TENM3: variants seen among roughly 807,000 people sequenced by gnomAD.
The protein encoded by TENM3 is teneurin-3.
In TENM3, 63 loss-of-function variants were observed where a neutral mutation model predicts 255.1. That is an observed-to-expected ratio of 0.25 (90% CI 0.20 to 0.30). The LOEUF (loss-of-function observed/expected upper bound fraction) is 0.30, where lower values mean the gene tolerates loss of function less well. Ranked by LOEUF, TENM3 falls within the 10% of genes least tolerant of loss-of-function variation. TENM3 has a pLI of 1.00. For missense variants in TENM3, 2,929 were observed against 3,461.1 expected (o/e 0.85, Z 3.86); for synonymous variants, 1,306 against 1,322.3 (o/e 0.99, Z 0.27).
the TENM3 span, among the ~76,000 whole-genome samples, chr4:181,961,229 G>C: frequency 6.6e-6 from 1 of 152,146 alleles, no homozygotes; most frequent in Non-Finnish European, 1.5e-5. Flanking sequence ...AAGGAGAAAA[G>C]GTCAAGCACC....
chr4:181,641,114 A>G, the TENM3 span, among the ~76,000 whole-genome samples: 1 of 152,146 alleles, frequency 6.6e-6, no homozygotes, highest in Non-Finnish European at 1.5e-5. Flanking sequence ...AATACATATA[A>G]AAGATTATCT....
intron 1 of TENM3, among the ~76,000 whole-genome samples, chr4:182,186,999 T>C (rs1165303987): frequency 6.6e-6 from 1 of 150,974 alleles, no homozygotes; most frequent in African/African-American, 2.4e-5. Flanking sequence ...GAAGTGATTG[T>C]AGTGTAAAAA....
At chr4:181,756,007 A>T in the TENM3 span, among the ~76,000 whole-genome samples, 2 of 152,164 alleles carry the variant, frequency 1.3e-5, no homozygotes, top group African/African-American at 4.8e-5. Context: ...ATATGTGACG[A>T]TGACGTGCCA....
chr4:182,267,852 ATAT>A (rs1388554238), intron 1 of TENM3, among the ~76,000 whole-genome samples: 2 of 152,204 alleles, frequency 1.3e-5, no homozygotes, highest in Non-Finnish European at 2.9e-5. Flanking sequence ...AGAAAGAGAA[ATAT>A]TATGTTTCAA....
intron 1 of TENM3, among the ~76,000 whole-genome samples, chr4:182,237,943 T>A (rs1756994996): frequency 6.6e-6 from 1 of 152,234 alleles, no homozygotes. Context: ...GTCCAGCCTA[T>A]GATATTTAGG....
chr4:181,450,725 T>C, the TENM3 span, among the ~76,000 whole-genome samples: 20,068 of 152,236 alleles, frequency 0.13, 1,504 homozygotes, highest in East Asian at 0.27. Flanking sequence ...CTGCACCTCT[T>C]GAATCTTCAT....
chr4:182,145,354 T>C (rs1288834473), intron 1 of TENM3: 1 of 152,154 alleles, frequency 6.6e-6, no homozygotes, highest in Non-Finnish European at 1.5e-5. Flanking sequence ...AAACTCTGGA[T>C]GGGGTTGGAA....
chr4:181,773,480 G>A, the TENM3 span, among the ~76,000 whole-genome samples: 1 of 152,158 alleles, frequency 6.6e-6, no homozygotes. Flanking sequence ...AAGACTATCT[G>A]CTCCAAACTT....
the TENM3 span, among the ~76,000 whole-genome samples, chr4:181,662,665 A>G: frequency 6.6e-6 from 1 of 152,182 alleles, no homozygotes; most frequent in East Asian, 1.9e-4. Flanking sequence ...AAAACAATTG[A>G]ACCATATGTG....
the TENM3 span, among the ~76,000 whole-genome samples, chr4:181,929,301 A>T: frequency 6.6e-6 from 1 of 152,086 alleles, no homozygotes; most frequent in Non-Finnish European, 1.5e-5. Context: ...GTAAAGACAC[A>T]CATAAGCTCA....
At chr4:181,792,507 T>C in the TENM3 span, among the ~76,000 whole-genome samples, 2 of 152,204 alleles carry the variant, frequency 1.3e-5, no homozygotes, top group East Asian at 3.9e-4. Flanking sequence ...TCAACATAGA[T>C]TGATAGGGAA....
Position 182,436,336 on chromosome 4 carries a change from G to A in TENM3, c.511+89407G>A, listed in dbSNP as rs550031622. Among the ~76,000 whole-genome samples the A allele has an allele frequency of 7.9e-5, 12 of 152,298 alleles. No homozygotes were observed. In the South Asian group the frequency reaches 1.0e-3, roughly 13 times the overall value. On this transcript the variant is annotated intron_variant, in intron 3 of 27. Coordinates refer to ENST00000511685, the MANE Select transcript of TENM3 (RefSeq NM_001080477.4). ...TCATGGAAGGGGCAGGATTCACAAC[G>A]ACTGCAGCTTTGTCTGTCTTCGGGG... is the stretch of plus-strand genomic sequence containing the variant.
At position 182,376,161 on chromosome 4, in the gene TENM3, G is replaced by A. The variant is rs80096581; in HGVS notation, c.511+29232G>A. Among the ~76,000 whole-genome samples the A allele has an allele frequency of 1.6e-3, 241 of 152,214 alleles. 1 individual carries two copies. Among genetic ancestry groups the A allele is most frequent in the Non-Finnish European group, 3.0e-3 (203 of 68,014 alleles). On this transcript the variant is annotated intron_variant, in intron 3 of 27. Coordinates refer to ENST00000511685, the MANE Select transcript of TENM3 (RefSeq NM_001080477.4). ...TAAGAATTGCTTCAGCAACATTTGC[G>A]CTGTCATTTGGCACGCTTTTGGAAT...
At chr4:182,140,398 GTACCTGAGATTTGGC>G (rs1286771723), upstream of TENM3, among the ~76,000 whole-genome samples, 1 of 152,232 alleles carries the variant, frequency 6.6e-6, no homozygotes, top group East Asian at 1.9e-4. Context: ...GAAGGTCTCG[GTACCTGAGATTTGGC>G]TCCCCTGGTC....
chr4:182,228,392 G>GTGTGTGTA lies in TENM3; in HGVS notation c.-76+83639_-76+83640insGTGTGTAT, dbSNP rs139457090. ...TGTGTGTGTGTGTGTGTGTGTGTGT[G>GTGTGTGTA]TATATGTAATCCCTCCCAGCTCTAA... On this transcript the variant is annotated intron_variant, in intron 1 of 2. Coordinates refer to the TENM3 transcript ENST00000512480. 3.2e-3 allele frequency among the ~76,000 whole-genome samples: 337 copies of GTGTGTGTA among 104,500 alleles called. 34 individuals carry two copies. Among genetic ancestry groups the GTGTGTGTA allele is most frequent in the African/African-American group, 0.014 (315 of 22,462 alleles). The allele number at this position is 104,500 out of a possible 152,430, so 68.6% of individuals were successfully genotyped here.
chr4:181,541,688 G>A, the TENM3 span, among the ~76,000 whole-genome samples: 2 of 152,114 alleles, frequency 1.3e-5, no homozygotes, highest in Middle Eastern at 3.2e-3. Flanking sequence ...CCTTAACTAC[G>A]CTCTTTCCAG....
chr4:182,168,296 G>C (rs531761451), intron 1 of TENM3, among the ~76,000 whole-genome samples: 1 of 152,076 alleles, frequency 6.6e-6, no homozygotes, highest in East Asian at 1.9e-4. Flanking sequence ...TACCACGCCT[G>C]GATAATTTTT....
chr4:182,144,780 G>A (rs1468349470), intron 1 of TENM3: 1 of 149,752 alleles, frequency 6.7e-6, no homozygotes, highest in Non-Finnish European at 1.5e-5. Context: ...CCGCCGGCGC[G>A]CCCTCCTTCC....
the TENM3 span, among the ~76,000 whole-genome samples, chr4:181,628,450 G>T: frequency 6.6e-6 from 1 of 152,084 alleles, no homozygotes; most frequent in African/African-American, 2.4e-5. Flanking sequence ...TTTCTTCTAG[G>T]GTTTTTATGG....
Sources: gnomAD v4.1 joint callset for allele counts (sites outside exome capture counted in the v4.1 genomes callset) on GRCh38, gnomAD v4.1.1 for gene constraint, MANE v1.5 for transcripts, NCBI Gene and HGNC (gene_info 2026-07-23, HGNC 2026-07-21) for gene names.